GPC6: variants seen among roughly 807,000 people sequenced by gnomAD.
GPC6 encodes glypican-6.
Under a neutral mutation model 55.2 loss-of-function variants are expected in GPC6, and 14 were observed. The observed-to-expected ratio is 0.25, with a 90% confidence interval of 0.17 to 0.40. GPC6 has a LOEUF of 0.40. GPC6 is among the 10% of genes least tolerant of loss of function. GPC6 has a pLI of 1.00. For missense variants in GPC6, 641 were observed against 708.5 expected, an observed-to-expected ratio of 0.90 and a Z score of 1.08; for synonymous variants, 278 against 259.6, an observed-to-expected ratio of 1.07 and a Z score of -0.68.
chr13:94,144,658 A>G (rs1887500374), intron 4 of GPC6, among the ~76,000 whole-genome samples: 1 of 152,004 alleles, frequency 6.6e-6, no homozygotes, highest in Non-Finnish European at 1.5e-5. Context: ...AGACTTGTCT[A>G]AAATACCTGT....
chr13:93,888,545 T>C (rs1239187570), intron 3 of GPC6, among the ~76,000 whole-genome samples: 2 of 152,148 alleles, frequency 1.3e-5, no homozygotes, highest in Non-Finnish European at 2.9e-5. Flanking sequence ...TATCTGATCA[T>C]GTGGCTAGAA....
intron 1 of GPC6, among the ~76,000 whole-genome samples, chr13:93,516,658 G>A (rs1387380649): frequency 6.6e-6 from 1 of 152,130 alleles, no homozygotes; most frequent in African/African-American, 2.4e-5. Context: ...AGAACAACAT[G>A]GGATATCCTA....
At chr13:93,887,705 C>T (rs903951863) in intron 3 of GPC6, among the ~76,000 whole-genome samples, 1 of 152,040 alleles carries the variant, frequency 6.6e-6, no homozygotes, top group Non-Finnish European at 1.5e-5. Context: ...ATTTCTGAAT[C>T]GTGATACAAC....
intron 3 of GPC6, among the ~76,000 whole-genome samples, chr13:93,966,170 A>G (rs1424642360): frequency 6.6e-6 from 1 of 152,164 alleles, no homozygotes; most frequent in Admixed American, 6.5e-5. Flanking sequence ...TTAATGTCAA[A>G]TGATTCTATC....
At chr13:94,018,825 G>C (rs931894944) in intron 3 of GPC6, among the ~76,000 whole-genome samples, 1 of 152,126 alleles carries the variant, frequency 6.6e-6, no homozygotes, top group Admixed American at 6.5e-5. Context: ...TCTTATAGGA[G>C]TGTGGACCCT....
intron 1 of GPC6, among the ~76,000 whole-genome samples, chr13:93,510,957 A>ATATATATATATGTGTGTATATATATG (rs1417491512): frequency 1.4e-4 from 2 of 14,772 alleles, no homozygotes; most frequent in Non-Finnish European, 6.2e-4. Flanking sequence ...AGAAATATAT[A>ATATATATATATGTGTGTATATATATG]TATATATATA....
chr13:93,604,741 C>T (rs1333839927), intron 2 of GPC6, among the ~76,000 whole-genome samples: 1 of 152,064 alleles, frequency 6.6e-6, no homozygotes, highest in Non-Finnish European at 1.5e-5. Context: ...AGCAAACAAC[C>T]GTTTGGGAAT....
chr13:94,119,216 G>C (rs1306622492), intron 4 of GPC6, among the ~76,000 whole-genome samples: 1 of 152,016 alleles, frequency 6.6e-6, no homozygotes, highest in Non-Finnish European at 1.5e-5. Context: ...ACAAAACAAA[G>C]CCTGAGCTGT....
At chr13:93,764,101 A>G (rs1436488292) in intron 2 of GPC6, among the ~76,000 whole-genome samples, 1 of 152,056 alleles carries the variant, frequency 6.6e-6, no homozygotes, top group Non-Finnish European at 1.5e-5. Context: ...TTTCTTAGAG[A>G]TACTCCTCTT....
At chr13:94,186,167 A>T (rs1889180540) in intron 4 of GPC6, among the ~76,000 whole-genome samples, 1 of 152,046 alleles carries the variant, frequency 6.6e-6, no homozygotes, top group Admixed American at 6.6e-5. Context: ...GGGTAGTCTA[A>T]CTCACAAATA....
intron 4 of GPC6, among the ~76,000 whole-genome samples, chr13:94,275,436 G>A (rs1473873676): frequency 5.9e-5 from 9 of 152,006 alleles, no homozygotes; most frequent in South Asian, 2.1e-4. Context: ...GCCCTGGGAC[G>A]GTAGAGTATC....
chr13:94,286,586 G>T (rs542939491), intron 5 of GPC6, 107 bp downstream of exon 5: 13 of 975,778 alleles, frequency 1.3e-5, no homozygotes, highest in Non-Finnish European at 2.0e-5. Context: ...ATTCTAATAT[G>T]CTGTCAGCGA....
chr13:93,808,435 A>G (rs1681356155), intron 2 of GPC6, among the ~76,000 whole-genome samples: 1 of 152,204 alleles, frequency 6.6e-6, no homozygotes, highest in South Asian at 2.1e-4. Context: ...TAAGTACATA[A>G]TAACTCCTCT....
intron 3 of GPC6, among the ~76,000 whole-genome samples, chr13:93,944,013 G>T (rs1222288866): frequency 2.6e-5 from 4 of 152,076 alleles, no homozygotes; most frequent in Non-Finnish European, 5.9e-5. Context: ...CCCTATCTGG[G>T]GGGTTCTCTG....
intron 3 of GPC6, among the ~76,000 whole-genome samples, chr13:93,912,087 ATTTG>A (rs71785978): frequency 0.016 from 2,469 of 152,252 alleles, 71 homozygotes; most frequent in African/African-American, 0.055. Context: ...CCCGTGAATG[ATTTG>A]TTTGTTAATT....
intron 1 of GPC6, among the ~76,000 whole-genome samples, chr13:93,304,344 CAAAG>C (rs1878785706): frequency 6.6e-6 from 1 of 152,172 alleles, no homozygotes; most frequent in South Asian, 2.1e-4. Flanking sequence ...GCGAGGTTTT[CAAAG>C]AATTGCTGCT....
At chr13:94,199,519 T>G (rs1889687995) in intron 4 of GPC6, among the ~76,000 whole-genome samples, 1 of 152,158 alleles carries the variant, frequency 6.6e-6, no homozygotes, top group Non-Finnish European at 1.5e-5. Context: ...GGAGTGATGA[T>G]GAGGTTTCTG....
At chr13:93,320,349 C>G (rs1002119221) in intron 1 of GPC6, among the ~76,000 whole-genome samples, 3 of 151,706 alleles carry the variant, frequency 2.0e-5, no homozygotes, top group African/African-American at 7.3e-5. Context: ...AAGTGATTCC[C>G]TTATATATAT....
chr13:93,568,133 T>A (rs79087884), intron 2 of GPC6, among the ~76,000 whole-genome samples: 2,073 of 152,294 alleles, frequency 0.014, 44 homozygotes, highest in African/African-American at 0.047. Context: ...TCAAGATGCA[T>A]CTTCTAAACT....
Sources: allele counts gnomAD v4.1 joint callset (sites outside exome capture counted in the v4.1 genomes callset), GRCh38; gene constraint gnomAD v4.1.1; transcripts MANE v1.5; gene names NCBI Gene and HGNC (gene_info 2026-07-23, HGNC 2026-07-21).